Variants in SCUBE1 observed in about 807,000 individuals in gnomAD.
The protein encoded by SCUBE1 is signal peptide, CUB and EGF-like domain-containing protein 1.
SCUBE1 carries 59 observed loss-of-function variants against 124.4 expected under a neutral mutation model. The observed-to-expected ratio is 0.47, with a 90% CI of 0.38 to 0.59. The LOEUF is 0.59. Among genes scored for constraint, SCUBE1 ranks in the 20% least tolerant of loss-of-function variants. The probability of loss-of-function intolerance (pLI) is 0.00; values close to 1 mark genes in which losing one functional copy is unlikely to be tolerated. For missense variants in SCUBE1, 1,150 were observed against 1,371.2 expected, an observed-to-expected ratio of 0.84 and a Z score of 2.55; for synonymous variants, 545 against 550.9, an observed-to-expected ratio of 0.99 and a Z score of 0.15.
In SCUBE1 at chr22:43,210,068, G is replaced by C; in HGVS notation, c.2556C>G (p.Gly852=). ...EIFLPIEDEC[G]DVLVMRKSAS... ...CACTCTTCCTCATGACCAGAACATCGCCGCACTCATCCTCGATGGGCAGGA... is the reference window on the plus strand; with the variant it reads ...CACTCTTCCTCATGACCAGAACATCCCCGCACTCATCCTCGATGGGCAGGA... Residue 852 remains glycine (G), a synonymous_variant, in exon 19 of 22, where the codon GGC becomes GGG. Transcript: ENST00000360835. This position sits in a 1 kb window ranked among gnomAD's most constrained non-coding sequence, Gnocchi z 4.5. 6.2e-7 allele frequency: 1 copy of C among 1,611,858 alleles called. No homozygotes were observed. Among genetic ancestry groups the C allele is most frequent in the Non-Finnish European group, 8.5e-7 (1 of 1,179,188 alleles).
At chr22:43,277,611 G>A (rs1346457668) in intron 4 of SCUBE1, among the ~76,000 whole-genome samples, 1 of 152,162 alleles carries the variant, frequency 6.6e-6, no homozygotes, top group African/African-American at 2.4e-5. Context: ...TCTTCACTAC[G>A]GACAAGTCTC....
chr22:43,277,881 G>A (rs1924596506), intron 4 of SCUBE1, among the ~76,000 whole-genome samples: 1 of 152,268 alleles, frequency 6.6e-6, no homozygotes, highest in African/African-American at 2.4e-5. Context: ...TGGCAGAGAA[G>A]GACGCCAGGG....
intron 4 of SCUBE1, among the ~76,000 whole-genome samples, chr22:43,279,579 T>A (rs1924679022): frequency 6.6e-6 from 1 of 152,202 alleles, no homozygotes; most frequent in Non-Finnish European, 1.5e-5. Flanking sequence ...AAAAGTAAAT[T>A]TCTATCTTTA....
chr22:43,325,560 C>G (rs1230425807), intron 2 of SCUBE1, among the ~76,000 whole-genome samples: 1 of 151,792 alleles, frequency 6.6e-6, no homozygotes, highest in African/African-American at 2.4e-5. Context: ...TGTACCTACC[C>G]TTGAGGTTGA....
intron 7 of SCUBE1, among the ~76,000 whole-genome samples, chr22:43,235,129 GA>G (rs1335217941): frequency 2.6e-5 from 4 of 152,198 alleles, no homozygotes; most frequent in African/African-American, 9.7e-5. Flanking sequence ...GAGTGTCTAG[GA>G]ACGCTCACCG....
intron 21 of SCUBE1, among the ~76,000 whole-genome samples, chr22:43,204,473 CT>C (rs1426225905): frequency 6.6e-6 from 1 of 151,808 alleles, no homozygotes; most frequent in Non-Finnish European, 1.5e-5. Flanking sequence ...TAAGTTTTGT[CT>C]TTTCAGTAGA....
intron 2 of SCUBE1, among the ~76,000 whole-genome samples, chr22:43,330,831 A>G (rs1926880537): frequency 6.6e-6 from 1 of 152,202 alleles, no homozygotes; most frequent in African/African-American, 2.4e-5. Flanking sequence ...AGTTATATCC[A>G]ATTTCTTCCT....
intron 10 of SCUBE1, among the ~76,000 whole-genome samples, chr22:43,224,129 T>C (rs1414194820): frequency 1.3e-5 from 2 of 152,196 alleles, no homozygotes; most frequent in Non-Finnish European, 2.9e-5. Context: ...ATTCTGGAGG[T>C]TCCTCCAAGA....
intron 3 of SCUBE1, among the ~76,000 whole-genome samples, chr22:43,314,407 G>A (rs946160774): frequency 1.3e-5 from 2 of 152,144 alleles, no homozygotes; most frequent in Non-Finnish European, 2.9e-5. Context: ...AGTGAGATGT[G>A]AGCGAGAGTG....
intron 4 of SCUBE1, among the ~76,000 whole-genome samples, chr22:43,288,346 G>T (rs77888661): frequency 6.6e-6 from 1 of 152,060 alleles, no homozygotes; most frequent in South Asian, 2.1e-4. Flanking sequence ...AAGTGCTGGC[G>T]TTCTCCCAGA....
intron 3 of SCUBE1, among the ~76,000 whole-genome samples, chr22:43,308,111 C>T (rs1926040281): frequency 2.0e-5 from 3 of 152,212 alleles, no homozygotes; most frequent in Admixed American, 2.0e-4. Flanking sequence ...CGAGGGTCTC[C>T]CCTTTTTTGT....
intron 15 of SCUBE1, among the ~76,000 whole-genome samples, chr22:43,214,474 T>G (rs1275848131): frequency 6.6e-6 from 1 of 152,188 alleles, no homozygotes; most frequent in Non-Finnish European, 1.5e-5. Context: ...CTGCTGCACC[T>G]CAGAGTCCTC....
In SCUBE1 at chr22:43,258,733, G is replaced by A. The variant is rs923916166; in HGVS notation, c.611-398C>T. Among the ~76,000 whole-genome samples the A allele has an allele frequency of 7.2e-5, 11 of 152,164 alleles. No individual in the cohort carries two copies. The highest frequency in any genetic ancestry group is 1.7e-4 in the African/African-American group (7 of 41,430). On this transcript the variant is annotated intron_variant, in intron 5 of 21. Transcript: ENST00000360835. The surrounding 1 kb of genome is among the most constrained non-coding windows in gnomAD (Gnocchi z 5.0). ...GCCAGGACATACTTGTCAAGCTGTC[G>A]GGGGAGGGACATGGCGGCCCGTGGT... is the stretch of plus-strand genomic sequence containing the variant.
At chr22:43,315,088 A>G (rs1189900265) in intron 3 of SCUBE1, among the ~76,000 whole-genome samples, 2 of 152,114 alleles carry the variant, frequency 1.3e-5, no homozygotes, top group African/African-American at 4.8e-5. Flanking sequence ...AAATGATACC[A>G]CCATGGGGAC....
chr22:43,309,564 C>T (rs975093840), intron 3 of SCUBE1, among the ~76,000 whole-genome samples: 2 of 152,164 alleles, frequency 1.3e-5, no homozygotes, highest in Non-Finnish European at 2.9e-5. Context: ...GCCATCTAGA[C>T]GCCATGTAGA....
Position 43,271,452 on chromosome 22 carries a change from C to A in SCUBE1, c.485-8607G>T, listed in dbSNP as rs17003586. Among the ~76,000 whole-genome samples the A allele has an allele frequency of 0.018, 2,713 of 152,266 alleles. 112 individuals are homozygous for A. In the East Asian group the frequency reaches 0.19, roughly 11 times the overall value. Reference sequence around the variant, plus strand: ...CAGCTACTCTGGATTTGGACTGTGTCGGAACAGGGGCCAACTCTCAGACAA... The same window carrying A: ...CAGCTACTCTGGATTTGGACTGTGTAGGAACAGGGGCCAACTCTCAGACAA... On this transcript the variant is annotated intron_variant, in intron 4 of 21. Transcript: ENST00000360835.
At chr22:43,262,348 CTT>C (rs1346691430) in intron 5 of SCUBE1, among the ~76,000 whole-genome samples, 1 of 152,216 alleles carries the variant, frequency 6.6e-6, no homozygotes, top group Admixed American at 6.5e-5. Context: ...GAACCATACT[CTT>C]TTCCTTCTTT....
rs200930097 is a variant in SCUBE1 at position 43,220,475 on chromosome 22, G to C, written c.1662C>G (p.Ile554Met). 1 of 1,613,900 alleles carries C rather than the reference G, an allele frequency of 6.2e-7. No individual in the cohort carries two copies. The highest frequency in any genetic ancestry group is 8.5e-7 in the Non-Finnish European group (1 of 1,179,964). ...EVSHITAEFEIETKMEEASDT... is the reference protein window; with the variant it reads ...EVSHITAEFEMETKMEEASDT... Reference sequence around the variant, plus strand: ...CTGAGGCCTCTTCCATCTTTGTCTCGATCTCAAACTCTGCTGTGATGTGGG... The same window carrying C: ...CTGAGGCCTCTTCCATCTTTGTCTCCATCTCAAACTCTGCTGTGATGTGGG... The change falls in exon 14 of 22, where the codon ATC becomes ATG. Residue 554 changes from isoleucine (I) to methionine (M), a missense_variant. Coordinates refer to ENST00000360835, the MANE Select transcript of SCUBE1 (RefSeq NM_173050.5).
chr22:43,252,734 C>T (rs1923502155), intron 6 of SCUBE1, among the ~76,000 whole-genome samples: 1 of 152,240 alleles, frequency 6.6e-6, no homozygotes, highest in South Asian at 2.1e-4. Flanking sequence ...CCCTCACCAT[C>T]TGGGCTGCTC....
Sources: gnomAD v4.1 joint callset for allele counts (sites outside exome capture counted in the v4.1 genomes callset) on GRCh38, gnomAD v4.1.1 for gene constraint, Gnocchi (gnomAD v3.1) non-coding constraint, MANE v1.5 for transcripts, NCBI Gene and HGNC (gene_info 2026-07-23, HGNC 2026-07-21) for gene names.